The following KDM6A variants were observed in gnomAD, a reference collection of about 807,000 sequenced individuals.
KDM6A encodes the protein lysine-specific demethylase 6A.
In KDM6A, 11 loss-of-function variants were observed where a neutral mutation model predicts 117.6. The observed-to-expected ratio is 0.09, with a 90% CI of 0.06 to 0.15. The LOEUF (loss-of-function observed/expected upper bound fraction) is 0.15. Among genes scored for constraint, KDM6A ranks in the 10% least tolerant of loss-of-function variants. The pLI is 1.00. For missense variants in KDM6A, 799 were observed against 1,077.3 expected (o/e 0.74, Z 3.62); for synonymous variants, 384 against 396.1 (o/e 0.97, Z 0.36).
intron 17 of KDM6A, among the ~76,000 whole-genome samples, chrX:45,064,632 G>T (rs1433612898): frequency 8.9e-6 from 1 of 111,805 alleles, no homozygotes; most frequent in African/African-American, 3.3e-5. Flanking sequence ...TGAAACTGAA[G>T]GGCCAAAGAG....
At position 45,011,772 on chromosome X, in the gene KDM6A, A is replaced by G. The variant is rs143544882; in HGVS notation, c.443+753A>G. Among the ~76,000 whole-genome samples the G allele has an allele frequency of 6.0e-3, 664 of 110,881 alleles. 5 individuals are homozygous for G. The highest frequency in any genetic ancestry group is 0.02 in the African/African-American group (625 of 30,614). Reference sequence around the variant, plus strand: ...TCCTCTTTAGTTTGTTTATTTATTTATTTATTTATTTTATTTATTTATTTA... The same window carrying G: ...TCCTCTTTAGTTTGTTTATTTATTTGTTTATTTATTTTATTTATTTATTTA... On this transcript the variant is annotated intron_variant, in intron 5 of 29. Coordinates refer to ENST00000611820, the MANE Select transcript of KDM6A (RefSeq NM_001291415.2).
At chrX:44,983,552 A>G (rs1056787215) in intron 4 of KDM6A, among the ~76,000 whole-genome samples, 16 of 103,772 alleles carry the variant, frequency 1.5e-4, no homozygotes, top group African/African-American at 4.6e-4. Flanking sequence ...TCCTAATGCT[A>G]TCCCTTCCCC....
At chrX:45,067,068 A>G (rs1053011811) in intron 17 of KDM6A, among the ~76,000 whole-genome samples, 2 of 112,076 alleles carry the variant, frequency 1.8e-5, no homozygotes, top group African/African-American at 6.5e-5. Flanking sequence ...GACTCTAAAG[A>G]GGCCTTTTTG....
chrX:44,971,819 C>G (rs1485409811), intron 3 of KDM6A, among the ~76,000 whole-genome samples: 1 of 111,345 alleles, frequency 9.0e-6, no homozygotes, highest in Admixed American at 9.6e-5. Context: ...TTCCCACGAC[C>G]TCCCCTGTGC....
intron 6 of KDM6A, among the ~76,000 whole-genome samples, chrX:45,033,366 A>AT (rs769524653): frequency 5.2e-4 from 58 of 111,303 alleles, no homozygotes; most frequent in African/African-American, 1.0e-3. Flanking sequence ...CAAATGTTAG[A>AT]TTTTTTTCAT....
chrX:45,050,355 A>G (rs1000725223), intron 8 of KDM6A, among the ~76,000 whole-genome samples: 3 of 112,066 alleles, frequency 2.7e-5, no homozygotes, highest in African/African-American at 9.7e-5. Flanking sequence ...AAACAAACAA[A>G]CGAAAAAACT....
chrX:45,082,835 T>A, intron 23 of KDM6A, 46 bp downstream of exon 23: 1 of 828,510 alleles, frequency 1.2e-6, no homozygotes, highest in Non-Finnish European at 1.8e-6. Flanking sequence ...CAAAGAGTTA[T>A]CCTGTGCTAG....
intron 5 of KDM6A, 147 bp downstream of exon 5, chrX:45,011,166 T>G (rs1264954335): frequency 4.3e-6 from 2 of 461,882 alleles, no homozygotes; most frequent in Admixed American, 3.5e-5. Flanking sequence ...TCTTTTGAAA[T>G]GATTAGATTG....
intron 3 of KDM6A, among the ~76,000 whole-genome samples, chrX:44,963,420 C>T (rs997311938): frequency 6.8e-5 from 7 of 102,221 alleles, no homozygotes; most frequent in African/African-American, 2.7e-4. Context: ...CATATCACTG[C>T]ACTCCAGCCA....
chrX:45,008,356 A>G (rs780847085), intron 4 of KDM6A, among the ~76,000 whole-genome samples: 3 of 111,293 alleles, frequency 2.7e-5, no homozygotes, highest in African/African-American at 6.6e-5. Flanking sequence ...CCTGGGCGAC[A>G]GAGCGAAACT....
chrX:44,883,637 G>A lies in KDM6A; in HGVS notation c.225+9650G>A, dbSNP rs759339237. On this transcript the variant is annotated intron_variant, in intron 2 of 29. Coordinates refer to ENST00000611820, the MANE Select transcript of KDM6A (RefSeq NM_001291415.2). ...GATCCTCCCGTCTTTGTCTCCCAAA[G>A]TTCTGGGATTACAAGCGTGAGCCAC... Among the ~76,000 whole-genome samples, 4 of 110,599 alleles carry A rather than the reference G, an allele frequency of 3.6e-5. No homozygotes were observed. In the South Asian group the frequency reaches 1.6e-3, roughly 43 times the overall value.
At chrX:44,919,984 T>C (rs942527704) in intron 2 of KDM6A, among the ~76,000 whole-genome samples, 4 of 112,116 alleles carry the variant, frequency 3.6e-5, no homozygotes, top group African/African-American at 1.3e-4. Flanking sequence ...TCCAGATATT[T>C]GGGGGGATTT....
At chrX:45,052,021 A>G (rs2043877249) in intron 9 of KDM6A, among the ~76,000 whole-genome samples, 1 of 111,537 alleles carries the variant, frequency 9.0e-6, no homozygotes, top group Non-Finnish European at 1.9e-5. Context: ...TAAATTATCA[A>G]AATTACTCCC....
chrX:45,045,101 T>C (rs951244854), intron 8 of KDM6A, among the ~76,000 whole-genome samples: 2 of 112,053 alleles, frequency 1.8e-5, no homozygotes, highest in African/African-American at 6.5e-5. Context: ...TTGACCAGTT[T>C]TAAGTGTACA....
At chrX:45,074,745 A>G (rs1356580193) in intron 18 of KDM6A, among the ~76,000 whole-genome samples, 1 of 112,427 alleles carries the variant, frequency 8.9e-6, no homozygotes. Context: ...TAAAATTGTA[A>G]TTGCAACATT....
chrX:45,111,475 C>A lies in KDM6A; in HGVS notation c.*64C>A. On this transcript the variant is annotated 3_prime_UTR_variant, in exon 30 of 30. Transcript: ENST00000611820. Reference sequence around the variant, plus strand: ...TTCAGGAAATAACCCAGTTCTGCACCACTGGTTTTTGTAGCTATCTCGTAA... The same window carrying A: ...TTCAGGAAATAACCCAGTTCTGCACAACTGGTTTTTGTAGCTATCTCGTAA... The A allele has an allele frequency of 1.0e-6, 1 of 966,207 alleles. No individual in the cohort carries two copies. The highest frequency in any genetic ancestry group is 1.5e-6 in the Non-Finnish European group (1 of 673,296). 79.6% of individuals were successfully genotyped at this position (966,207 alleles called of 1,213,427 possible). A position where few individuals can be genotyped will look rare whatever the true frequency, so the allele number is the denominator to read the frequency against.
chrX:44,999,388 C>T (rs1469747652), intron 4 of KDM6A, among the ~76,000 whole-genome samples: 1 of 110,542 alleles, frequency 9.0e-6, no homozygotes, highest in Non-Finnish European at 1.9e-5. Context: ...AGGGTTAGAC[C>T]GCACAGGCTA....
At chrX:44,994,627 A>G (rs1430372557) in intron 4 of KDM6A, among the ~76,000 whole-genome samples, 1 of 112,217 alleles carries the variant, frequency 8.9e-6, no homozygotes, top group African/African-American at 3.2e-5. Flanking sequence ...GCACTCGAAT[A>G]TAAAGTTTCC....
intron 2 of KDM6A, among the ~76,000 whole-genome samples, chrX:44,899,610 T>C (rs1027179609): frequency 2.4e-4 from 26 of 110,430 alleles, no homozygotes; most frequent in Non-Finnish European, 3.8e-5. Flanking sequence ...CTTGGAAATA[T>C]GGGTGGCAAT....
Sources: gnomAD v4.1 joint callset for allele counts (sites outside exome capture counted in the v4.1 genomes callset) on GRCh38, gnomAD v4.1.1 for gene constraint, MANE v1.5 for transcripts, NCBI Gene and HGNC (gene_info 2026-07-23, HGNC 2026-07-21) for gene names.